Variants in SHTN1 observed in about 807,000 individuals in gnomAD.
The protein encoded by SHTN1 is shootin 1.
A neutral mutation model predicts 83.1 loss-of-function variants in SHTN1; 42 were observed. That is an observed-to-expected ratio of 0.51 (90% CI 0.39 to 0.65). The LOEUF is 0.65. SHTN1 is among the 30% of genes least tolerant of loss of function. The pLI is 0.00. For missense variants in SHTN1, 622 were observed against 737.8 expected, an observed-to-expected ratio of 0.84 and a Z score of 1.82; for synonymous variants, 224 against 247.7, an observed-to-expected ratio of 0.90 and a Z score of 0.90.
At chr10:117,109,505 TC>T (rs1160523301) in intron 1 of SHTN1, among the ~76,000 whole-genome samples, 1 of 135,720 alleles carries the variant, frequency 7.4e-6, no homozygotes, top group Non-Finnish European at 1.6e-5. Context: ...TTTTATATTG[TC>T]TTTTTTATAC....
intron 2 of SHTN1, among the ~76,000 whole-genome samples, chr10:117,013,803 A>C (rs1411828364): frequency 6.6e-6 from 1 of 152,194 alleles, no homozygotes; most frequent in East Asian, 1.9e-4. Flanking sequence ...TCACAGAAAA[A>C]CCCATATACA....
At position 116,893,684 on chromosome 10, in the gene SHTN1, C is replaced by T. The variant is rs7091691; in HGVS notation, c.1674-7118G>A. 6.0e-3 allele frequency among the ~76,000 whole-genome samples: 909 copies of T among 150,942 alleles called. 11 individuals carry two copies. Among genetic ancestry groups the T allele is most frequent in the African/African-American group, 0.021 (880 of 41,086 alleles). On this transcript the variant is annotated intron_variant, in intron 16 of 16. Coordinates refer to ENST00000355371, the MANE Select transcript of SHTN1 (RefSeq NM_001127211.3). Reference sequence around the variant, plus strand: ...GAACAAAATCCACTCCTTTCCATCCCAGGACTAAAAGAACTTCCCTAGTCT... The same window carrying T: ...GAACAAAATCCACTCCTTTCCATCCTAGGACTAAAAGAACTTCCCTAGTCT...
chr10:117,117,341 A>C (rs529222404), intron 1 of SHTN1, among the ~76,000 whole-genome samples: 2 of 152,298 alleles, frequency 1.3e-5, no homozygotes, highest in South Asian at 4.1e-4. Flanking sequence ...CTTAGGAATC[A>C]ATTTAAACAA....
At chr10:116,899,690 C>T (rs1847663039) in intron 16 of SHTN1, among the ~76,000 whole-genome samples, 1 of 152,136 alleles carries the variant, frequency 6.6e-6, no homozygotes, top group Non-Finnish European at 1.5e-5. Flanking sequence ...TTGCCACAGA[C>T]AAAATAGAAG....
At chr10:117,117,206 A>G (rs1423538260) in intron 1 of SHTN1, among the ~76,000 whole-genome samples, 5 of 151,456 alleles carry the variant, frequency 3.3e-5, no homozygotes, top group African/African-American at 1.2e-4. Context: ...CAAATTCAAT[A>G]AAGTCACAGA....
At chr10:117,016,991 G>T (rs184517516) in intron 2 of SHTN1, among the ~76,000 whole-genome samples, 23 of 152,198 alleles carry the variant, frequency 1.5e-4, no homozygotes, top group Middle Eastern at 3.4e-3. Context: ...CTTGGTTTCT[G>T]AATACCATTC....
intron 9 of SHTN1, among the ~76,000 whole-genome samples, chr10:116,933,590 C>T (rs917834882): frequency 6.6e-6 from 1 of 152,026 alleles, no homozygotes; most frequent in Non-Finnish European, 1.5e-5. Flanking sequence ...GGGTTGGTTC[C>T]AAGTCTTTTC....
chr10:117,074,429 A>G (rs78867717), intron 1 of SHTN1, among the ~76,000 whole-genome samples: 3,673 of 152,312 alleles, frequency 0.024, 137 homozygotes, highest in African/African-American at 0.08. Context: ...TCCTTAATCT[A>G]TACTTCATGA....
intron 5 of SHTN1, 80 bp from the exon 6 acceptor site, chr10:116,952,086 T>C (rs1849799382): frequency 3.2e-6 from 2 of 620,020 alleles, no homozygotes; most frequent in Admixed American, 7.3e-5. Context: ...GAATTGAAAA[T>C]GCCAGTCCAT....
At chr10:116,945,051 C>T (rs1275215614) in intron 7 of SHTN1, 33 bp from the exon 8 acceptor site, 2 of 1,226,200 alleles carry the variant, frequency 1.6e-6, no homozygotes, top group East Asian at 4.7e-5. Context: ...AAAACCCAGA[C>T]AATAAGTCAC....
intron 1 of SHTN1, among the ~76,000 whole-genome samples, chr10:117,102,784 A>G (rs1393682111): frequency 6.6e-6 from 1 of 152,158 alleles, no homozygotes; most frequent in Non-Finnish European, 1.5e-5. Context: ...GAAAAAGGGG[A>G]ATTACACATG....
At chr10:117,059,595 T>C (rs748152420) in intron 1 of SHTN1, among the ~76,000 whole-genome samples, 14 of 152,212 alleles carry the variant, frequency 9.2e-5, no homozygotes, top group Admixed American at 4.6e-4. Context: ...CAGGAAATTA[T>C]GCTGAGTTAA....
chr10:116,924,367 G>A (rs1848662830), intron 11 of SHTN1, among the ~76,000 whole-genome samples: 4 of 150,662 alleles, frequency 2.7e-5, no homozygotes, highest in South Asian at 2.1e-4. Flanking sequence ...ACATAAAGAC[G>A]ATGAAGCAGG....
intron 12 of SHTN1, among the ~76,000 whole-genome samples, chr10:116,919,494 T>C (rs1848482088): frequency 6.6e-6 from 1 of 152,154 alleles, no homozygotes; most frequent in South Asian, 2.1e-4. Flanking sequence ...AAAAACTGTA[T>C]AGGTCCTAAA....
upstream of SHTN1, among the ~76,000 whole-genome samples, chr10:117,008,611 A>G (rs1345847657): frequency 6.6e-6 from 1 of 152,196 alleles, no homozygotes; most frequent in African/African-American, 2.4e-5. Flanking sequence ...ATATTGTATG[A>G]TTGCACTTGT....
At chr10:116,972,500 A>G (rs1438279144) in intron 2 of SHTN1, among the ~76,000 whole-genome samples, 1 of 152,196 alleles carries the variant, frequency 6.6e-6, no homozygotes, top group Non-Finnish European at 1.5e-5. Flanking sequence ...TGAACCCAGA[A>G]AAGAATCTTG....
In SHTN1 at chr10:116,927,839, T is replaced by C; in HGVS notation, c.1065A>G (p.Pro355=). The C allele has an allele frequency of 6.2e-7, 1 of 1,608,354 alleles. No individual in the cohort carries two copies. The highest frequency in any genetic ancestry group is 8.5e-7 in the Non-Finnish European group (1 of 1,177,542). The change falls in exon 11 of 17, where the codon CCA becomes CCG. Residue 355 remains proline (P), a synonymous_variant. Transcript: ENST00000355371. ...GGGGAAGTGGTGGTGGAGGAGGAGGTGGTGGAGGTACTGAATTCTCAGACT... is the reference window on the plus strand; with the variant it reads ...GGGGAAGTGGTGGTGGAGGAGGAGGCGGTGGAGGTACTGAATTCTCAGACT... The part of the protein sequence containing the change: ...VNQSENSVPP[P]PPPPPPLPPP...
chr10:117,054,458 T>C (rs1263928139), intron 1 of SHTN1, among the ~76,000 whole-genome samples: 1 of 149,068 alleles, frequency 6.7e-6, no homozygotes, highest in East Asian at 2.0e-4. Context: ...CAGGCTGGAG[T>C]GCAGTGGTGT....
intron 2 of SHTN1, among the ~76,000 whole-genome samples, chr10:117,023,395 T>G (rs1852289433): frequency 1.3e-5 from 2 of 152,174 alleles, no homozygotes; most frequent in African/African-American, 4.8e-5. Context: ...AAAATAAGAT[T>G]GGAAGTTTAA....
Sources: allele counts gnomAD v4.1 joint callset (sites outside exome capture counted in the v4.1 genomes callset), GRCh38; gene constraint gnomAD v4.1.1; transcripts MANE v1.5; gene names NCBI Gene and HGNC (gene_info 2026-07-23, HGNC 2026-07-21).